Variants in ST3GAL6 observed in about 807,000 individuals in gnomAD.
ST3GAL6 encodes ST3 beta-galactoside alpha-2,3-sialyltransferase 6, also known as type 2 lactosamine alpha-2,3-sialyltransferase.
In ST3GAL6, 31 loss-of-function variants were observed where a neutral mutation model predicts 40.5. The ratio of observed to expected loss-of-function variants is 0.77; its 90% CI spans 0.58 to 1.03. The LOEUF is 1.03. Ranked by LOEUF, ST3GAL6 falls within the 50% of genes least tolerant of loss-of-function variation. ST3GAL6 has a pLI of 0.00. For missense variants in ST3GAL6, 357 were observed against 393.2 expected (o/e 0.91, Z 0.78); for synonymous variants, 129 against 136.9 (o/e 0.94, Z 0.40).
In ST3GAL6 at chr3:98,739,757, C is replaced by CT. The variant is rs1173400352; in HGVS notation, c.-12+7231dup. ...GTAGATTTTATTTTTTTAATTCTGT[C>CT]TTTTTTGTGGATAACTCATTGCATT... On this transcript the variant is annotated intron_variant, in intron 1 of 9. Transcript: ENST00000265261. Among the ~76,000 whole-genome samples, 6 of 152,180 alleles carry CT rather than the reference C, an allele frequency of 3.9e-5. 1 individual carries two copies. The South Asian group carries it at 1.2e-3, about 32-fold the overall frequency.
In ST3GAL6 at chr3:98,766,000, A is replaced by G. The variant is rs529651314; in HGVS notation, c.-11-2430A>G. ...TCCTGGCTGGCCCGTGTCCTTTGCA[A>G]CTTGAATACTGAAGCTGTGAATTGT... is the stretch of plus-strand genomic sequence containing the variant. On this transcript the variant is annotated intron_variant, in intron 1 of 9. Transcript: ENST00000483910. Among the ~76,000 whole-genome samples, 27 of 152,290 alleles carry G rather than the reference A, an allele frequency of 1.8e-4. 1 individual carries two copies. In the South Asian group the frequency reaches 5.4e-3, roughly 30 times the overall value.
At chr3:98,749,996 C>T (rs1363639906) in intron 1 of ST3GAL6, among the ~76,000 whole-genome samples, 1 of 152,038 alleles carries the variant, frequency 6.6e-6, no homozygotes, top group African/African-American at 2.4e-5. Context: ...AATGTAAAGC[C>T]CTACAATGAA....
At chr3:98,790,878 A>G (rs1941140654) in intron 8 of ST3GAL6, among the ~76,000 whole-genome samples, 1 of 152,160 alleles carries the variant, frequency 6.6e-6, no homozygotes, top group Admixed American at 6.5e-5. Flanking sequence ...ATGAGGCTGA[A>G]TGACTCCTAG....
At chr3:98,781,414 A>G (rs1257207538) in intron 5 of ST3GAL6, among the ~76,000 whole-genome samples, 1 of 151,838 alleles carries the variant, frequency 6.6e-6, no homozygotes, top group Non-Finnish European at 1.5e-5. Flanking sequence ...CCACCACGGC[A>G]CTTGTATACT....
intron 1 of ST3GAL6, among the ~76,000 whole-genome samples, chr3:98,736,029 AG>A (rs1935517648): frequency 1.3e-5 from 2 of 152,350 alleles, no homozygotes; most frequent in Admixed American, 1.3e-4. Flanking sequence ...AAAAGATAAC[AG>A]GATCAGTAAG....
chr3:98,745,608 G>A (rs761369569), intron 1 of ST3GAL6, among the ~76,000 whole-genome samples: 11 of 152,106 alleles, frequency 7.2e-5, no homozygotes, highest in Non-Finnish European at 1.6e-4. Context: ...TAGCAACTAT[G>A]GGAAAGTCTT....
intron 5 of ST3GAL6, among the ~76,000 whole-genome samples, chr3:98,781,300 G>A (rs1430393650): frequency 1.3e-5 from 2 of 152,208 alleles, no homozygotes; most frequent in Admixed American, 1.3e-4. Context: ...GACACAGGAA[G>A]GGGAACATCA....
chr3:98,773,902 A>G lies in ST3GAL6; in HGVS notation c.272-18A>G, dbSNP rs1939264017. On this transcript the variant is annotated intron_variant, in intron 4 of 9. Transcript: ENST00000483910. ...ACATGATTATCCTTTTATTCATAAC[A>G]CTCCATTTGTTTTCTAGCGGAATAT... The G allele has an allele frequency of 6.2e-7, 1 of 1,606,614 alleles. No individual in the cohort carries two copies. Among genetic ancestry groups the G allele is most frequent in the South Asian group, 1.1e-5 (1 of 90,804 alleles).
intron 1 of ST3GAL6, among the ~76,000 whole-genome samples, chr3:98,743,024 T>C (rs1430213373): frequency 3.1e-5 from 4 of 128,884 alleles, no homozygotes; most frequent in Admixed American, 8.6e-5. Flanking sequence ...TTTTTTTTTT[T>C]CTGAGACAAG....
intron 1 of ST3GAL6, among the ~76,000 whole-genome samples, chr3:98,750,336 A>C (rs1559726784): frequency 6.6e-6 from 1 of 152,170 alleles, no homozygotes; most frequent in Non-Finnish European, 1.5e-5. Flanking sequence ...ATGTTTTTGG[A>C]CATTTGAATG....
chr3:98,762,444 C>T (rs564343920), upstream of ST3GAL6, among the ~76,000 whole-genome samples: 22 of 152,122 alleles, frequency 1.4e-4, no homozygotes, highest in East Asian at 1.4e-3. Context: ...TTAGCCTTTT[C>T]GTTGTAATAT....
chr3:98,782,215 A>G, intron 5 of ST3GAL6: 2 of 696,932 alleles, frequency 2.9e-6, no homozygotes, highest in Admixed American at 2.1e-5. Flanking sequence ...AGAAACAGAG[A>G]GCCCAGGACC....
At chr3:98,738,633 A>G (rs773581328) in intron 1 of ST3GAL6, among the ~76,000 whole-genome samples, 1 of 152,200 alleles carries the variant, frequency 6.6e-6, no homozygotes, top group Non-Finnish European at 1.5e-5. Context: ...GGCAATACAT[A>G]ATGATAAAGG....
At chr3:98,738,446 T>TA (rs1054275449) in intron 1 of ST3GAL6, among the ~76,000 whole-genome samples, 20 of 152,190 alleles carry the variant, frequency 1.3e-4, no homozygotes, top group African/African-American at 4.6e-4. Context: ...GCTGATTTTT[T>TA]AAAAAATTAT....
At chr3:98,733,380 C>G in intron 1 of ST3GAL6, 6 of 1,042,550 alleles carry the variant, frequency 5.8e-6, no homozygotes, top group Non-Finnish European at 6.9e-6. Flanking sequence ...GAATCGCCGG[C>G]GAGGTTGTGC....
At chr3:98,778,681 T>C (rs1244124774) in intron 5 of ST3GAL6, among the ~76,000 whole-genome samples, 1 of 152,204 alleles carries the variant, frequency 6.6e-6, no homozygotes, top group African/African-American at 2.4e-5. Flanking sequence ...AGTGATTCCC[T>C]TACTTCACAA....
chr3:98,735,421 C>T (rs894817879), intron 1 of ST3GAL6, among the ~76,000 whole-genome samples: 1 of 152,210 alleles, frequency 6.6e-6, no homozygotes, highest in African/African-American at 2.4e-5. Context: ...GCGTACTTTG[C>T]CTTCCTTGTG....
At chr3:98,748,810 C>T (rs946802590) in intron 1 of ST3GAL6, among the ~76,000 whole-genome samples, 5 of 152,180 alleles carry the variant, frequency 3.3e-5, no homozygotes, top group East Asian at 1.9e-4. Flanking sequence ...TCTGCAGCCT[C>T]GGTTCTTTGA....
At chr3:98,756,279 G>A (rs979449423) in intron 1 of ST3GAL6, 23 of 1,119,862 alleles carry the variant, frequency 2.1e-5, no homozygotes, top group African/African-American at 4.8e-5. Context: ...CTAAAATGGC[G>A]TTTTCCTTAA....
Sources: allele counts gnomAD v4.1 joint callset (sites outside exome capture counted in the v4.1 genomes callset), GRCh38; gene constraint gnomAD v4.1.1; transcripts MANE v1.5; gene names NCBI Gene and HGNC (gene_info 2026-07-23, HGNC 2026-07-21).